Variants in UPRT observed in about 807,000 individuals in gnomAD.
UPRT encodes the protein uracil phosphoribosyltransferase homolog, also known as RP11-311P8.3.
UPRT carries 5 observed loss-of-function variants against 22.6 expected under a neutral mutation model. That is an observed-to-expected ratio of 0.22 (90% CI 0.12 to 0.47). The LOEUF is 0.47. Among genes scored for constraint, UPRT ranks in the 20% least tolerant of loss-of-function variants. The pLI is 0.99. For synonymous variants in UPRT, 77 were observed against 87.7 expected, an observed-to-expected ratio of 0.88 and a Z score of 0.68; for missense variants, 181 against 239.9, an observed-to-expected ratio of 0.75 and a Z score of 1.62.
intron 4 of UPRT, among the ~76,000 whole-genome samples, chrX:75,187,432 A>C (rs5981330): frequency 0.029 from 3,187 of 110,979 alleles, 121 homozygotes; most frequent in African/African-American, 0.1. Context: ...GTAACCCGAC[A>C]TTTCTCTCTG....
Position 75,243,297 on chromosome X carries a change from T to A in UPRT, c.-446-47727T>A, listed in dbSNP as rs142211696. Among the ~76,000 whole-genome samples the A allele has an allele frequency of 1.2e-3, 134 of 111,511 alleles. 1 individual carries two copies. Among genetic ancestry groups the A allele is most frequent in the African/African-American group, 4.0e-3 (124 of 30,820 alleles). Reference sequence around the variant, plus strand: ...AACATGCCTGGCAAATAGTAAGGGCTTGACCAGTATTTTTTAACTAAATTA... The same window carrying A: ...AACATGCCTGGCAAATAGTAAGGGCATGACCAGTATTTTTTAACTAAATTA... On this transcript the variant is annotated intron_variant, in intron 4 of 13. Coordinates refer to the UPRT transcript ENST00000652605.
intron 4 of UPRT, among the ~76,000 whole-genome samples, chrX:75,179,333 A>C (rs765023464): frequency 7.0e-5 from 7 of 100,010 alleles, no homozygotes; most frequent in Admixed American, 1.0e-4. Context: ...ACAGAGTGTC[A>C]ATTGGTGCAC....
chrX:75,169,720 T>C (rs1464825712), intron 4 of UPRT, among the ~76,000 whole-genome samples: 2 of 112,043 alleles, frequency 1.8e-5, no homozygotes, highest in East Asian at 5.6e-4. Flanking sequence ...GAAAGTTCCA[T>C]GTGCTGATGA....
intron 4 of UPRT, among the ~76,000 whole-genome samples, chrX:75,245,791 G>T (rs1270744135): frequency 9.0e-6 from 1 of 111,305 alleles, no homozygotes; most frequent in East Asian, 2.8e-4. Flanking sequence ...GGGCCTACTT[G>T]TGGGTGGAGA....
chrX:75,190,480 A>G (rs2082311186), intron 4 of UPRT, among the ~76,000 whole-genome samples: 1 of 111,383 alleles, frequency 9.0e-6, no homozygotes, highest in African/African-American at 3.3e-5. Context: ...CTCAAGGAGT[A>G]TCTTTGTGGA....
chrX:75,172,226 C>A (rs1016973667), intron 4 of UPRT, among the ~76,000 whole-genome samples: 3 of 110,935 alleles, frequency 2.7e-5, no homozygotes, highest in African/African-American at 9.9e-5. Flanking sequence ...TAGGCATGTA[C>A]GAGCTCAGAC....
At chrX:75,177,456 G>A (rs937130433) in intron 4 of UPRT, among the ~76,000 whole-genome samples, 7 of 110,809 alleles carry the variant, frequency 6.3e-5, no homozygotes, top group Non-Finnish European at 1.1e-4. Flanking sequence ...GAGAAAAATC[G>A]GATTTAGTGG....
intron 4 of UPRT, among the ~76,000 whole-genome samples, chrX:75,297,983 C>CTTTT (rs11436262): frequency 1.1e-5 from 1 of 93,458 alleles, no homozygotes; most frequent in Non-Finnish European, 2.1e-5. Flanking sequence ...GATATTTTTA[C>CTTTT]TTTTTTTTTT....
intron 4 of UPRT, among the ~76,000 whole-genome samples, chrX:75,245,676 C>G (rs188615716): frequency 2.9e-4 from 32 of 112,002 alleles, no homozygotes; most frequent in African/African-American, 9.1e-4. Context: ...TTATCCTTAG[C>G]AAACTAATAC....
intron 1 of UPRT, among the ~76,000 whole-genome samples, chrX:75,275,510 C>G (rs1166460992): frequency 9.0e-6 from 1 of 111,239 alleles, no homozygotes; most frequent in East Asian, 2.8e-4. Flanking sequence ...ATGCCACTCC[C>G]TAAACCAGAC....
intron 4 of UPRT, among the ~76,000 whole-genome samples, chrX:75,247,300 C>T (rs752289689): frequency 1.4e-4 from 15 of 111,040 alleles, no homozygotes; most frequent in South Asian, 3.9e-4. Flanking sequence ...ATCCGGGAAG[C>T]GCAAGGGGTA....
chrX:75,237,549 A>G (rs1168874573), intron 4 of UPRT, among the ~76,000 whole-genome samples: 1 of 110,624 alleles, frequency 9.0e-6, no homozygotes, highest in African/African-American at 3.3e-5. Flanking sequence ...GAACCAACCC[A>G]AATGTCCAAC....
Position 75,191,958 on chromosome X carries a change from C to T in UPRT, c.-447+24079C>T, listed in dbSNP as rs1323450777. Among the ~76,000 whole-genome samples, 3 of 111,202 alleles carry T rather than the reference C, an allele frequency of 2.7e-5. No homozygotes were observed. The Admixed American group carries it at 2.8e-4, about 11-fold the overall frequency. On this transcript the variant is annotated intron_variant, in intron 4 of 13. Transcript: ENST00000652605. ...TTTGGCTCTCGCTTGGTGGGCTGCACCCACTCTCCTGCACCCACTGTCTGA... is the reference window on the plus strand; with the variant it reads ...TTTGGCTCTCGCTTGGTGGGCTGCATCCACTCTCCTGCACCCACTGTCTGA...
At chrX:75,279,781 T>C (rs1275654856) in intron 1 of UPRT, among the ~76,000 whole-genome samples, 1 of 110,785 alleles carries the variant, frequency 9.0e-6, no homozygotes, top group African/African-American at 3.3e-5. Context: ...TTGTAGTCTT[T>C]TATCCCTTGA....
At chrX:75,209,373 C>CT (rs1156626304) in intron 4 of UPRT, among the ~76,000 whole-genome samples, 1 of 110,376 alleles carries the variant, frequency 9.1e-6, no homozygotes, top group African/African-American at 3.3e-5. Flanking sequence ...GGTGTTGTTT[C>CT]TTTTTTTCTT....
intron 4 of UPRT, among the ~76,000 whole-genome samples, chrX:75,184,964 A>T (rs755287130): frequency 9.1e-6 from 1 of 109,946 alleles, no homozygotes; most frequent in South Asian, 3.9e-4. Context: ...TGTCGTCTGC[A>T]AACAGGTACA....
At chrX:75,248,937 G>T (rs1421875999) in intron 4 of UPRT, among the ~76,000 whole-genome samples, 3 of 111,706 alleles carry the variant, frequency 2.7e-5, no homozygotes, top group Admixed American at 1.9e-4. Context: ...TTTCAACCCA[G>T]AATTTCATAT....
At chrX:75,161,838 G>A (rs2082200737) in intron 2 of UPRT, among the ~76,000 whole-genome samples, 1 of 111,728 alleles carries the variant, frequency 9.0e-6, no homozygotes. Context: ...TCTTGTATGT[G>A]TCAATACCAC....
At chrX:75,188,505 A>T (rs952640020) in intron 4 of UPRT, among the ~76,000 whole-genome samples, 1 of 112,638 alleles carries the variant, frequency 8.9e-6, no homozygotes, top group Admixed American at 9.3e-5. Flanking sequence ...CCAGAGGTGG[A>T]GCCTACAGAG....
Sources: gnomAD v4.1 joint callset for allele counts (sites outside exome capture counted in the v4.1 genomes callset) on GRCh38, gnomAD v4.1.1 for gene constraint, MANE v1.5 for transcripts, NCBI Gene and HGNC (gene_info 2026-07-23, HGNC 2026-07-21) for gene names.